CRYBG3: variants seen among roughly 807,000 people sequenced by gnomAD.
CRYBG3 encodes the protein very large A-kinase anchor protein.
In CRYBG3, 127 loss-of-function variants were observed where a neutral mutation model predicts 244.2. The observed-to-expected ratio is 0.52, with a 90% confidence interval of 0.45 to 0.60. CRYBG3 has a LOEUF of 0.60. CRYBG3 is among the 20% of genes least tolerant of loss of function. The pLI is 0.00. For synonymous variants in CRYBG3, 1,132 were observed against 1,195.8 expected (o/e 0.95, Z 1.10); for missense variants, 3,325 against 3,442.5 (o/e 0.97, Z 0.85).
At chr3:97,889,756 G>T (rs1207541244) in intron 10 of CRYBG3, among the ~76,000 whole-genome samples, 1 of 152,146 alleles carries the variant, frequency 6.6e-6, no homozygotes, top group Non-Finnish European at 1.5e-5. Context: ...TGATGCTCAG[G>T]AACATGATCA....
chr3:97,874,629 A>G lies in CRYBG3; in HGVS notation c.3435A>G (p.Gln1145=), dbSNP rs2039348616. The change falls in exon 4 of 22, where the codon CAA becomes CAG. Residue 1145 remains glutamine (Q), a synonymous_variant. Transcript: ENST00000389622. ...KISIDFPTAA[Q]FDNLVEAETG... ...CCATTGATTTCCCAACTGCTGCCCA[A>G]TTTGACAATCTCGTGGAAGCAGAGA... The G allele has an allele frequency of 2.0e-6, 3 of 1,536,054 alleles. No individual in the cohort carries two copies. Among genetic ancestry groups the G allele is most frequent in the Non-Finnish European group, 1.7e-6 (2 of 1,146,856 alleles).
chr3:97,874,470 C>T lies in CRYBG3; in HGVS notation c.3276C>T (p.Leu1092=), dbSNP rs2039346018. ...ATTCTATACAAGTTACCAAAGATCT[C>T]ACACATGAAGGTACCTCTGTAACTA... ...NLDSIQVTKD[L]THEGTSVTNL... The change falls in exon 4 of 22, where the codon CTC becomes CTT. Residue 1092 remains leucine (L), a synonymous_variant. Transcript: ENST00000389622. 6.5e-7 allele frequency: 1 copy of T among 1,534,234 alleles called. No homozygotes were observed. The highest frequency in any genetic ancestry group is 8.7e-7 in the Non-Finnish European group (1 of 1,146,220).
At chr3:97,905,158 G>C (rs1232931932) in intron 15 of CRYBG3, among the ~76,000 whole-genome samples, 1 of 152,002 alleles carries the variant, frequency 6.6e-6, no homozygotes, top group Non-Finnish European at 1.5e-5. Flanking sequence ...GGACATTTGG[G>C]TTGGTTCCAA....
At position 97,915,696 on chromosome 3, in the gene CRYBG3, G is replaced by A; in HGVS notation, c.8201G>A (p.Cys2734Tyr). The A allele has an allele frequency of 6.2e-7, 1 of 1,612,746 alleles. No homozygotes were observed. Among genetic ancestry groups the A allele is most frequent in the Non-Finnish European group, 8.5e-7 (1 of 1,179,006 alleles). ...GLYADLTSCG[C>Y]PASKVKSLKP... ...TATGCTGACCTTACTTCCTGCGGTT[G>A]CCCAGCATCTAAAGTCAAATCTCTC... The change falls in exon 17 of 22, where the codon TGC (cysteine) becomes TAC (tyrosine). Residue 2734 changes from cysteine (C) to tyrosine (Y), a missense_variant. Transcript: ENST00000389622.
chr3:97,942,652 G>A (rs2040257529), intron 21 of CRYBG3: 2 of 454,914 alleles, frequency 4.4e-6, no homozygotes, highest in Non-Finnish European at 3.9e-6. Context: ...TTGTTCATTA[G>A]TACAGTTGTA....
intron 17 of CRYBG3, among the ~76,000 whole-genome samples, chr3:97,932,194 C>T (rs1283372031): frequency 7.2e-5 from 11 of 151,914 alleles, no homozygotes; most frequent in Admixed American, 2.0e-4. Flanking sequence ...TGTGTACAAG[C>T]GCATACATAT....
In CRYBG3 at chr3:97,877,351, G is replaced by C; in HGVS notation, c.6157G>C (p.Glu2053Gln). 1 of 1,614,094 alleles carries C rather than the reference G, an allele frequency of 6.2e-7. No homozygotes were observed. Among genetic ancestry groups the C allele is most frequent in the East Asian group, 2.2e-5 (1 of 44,870 alleles). Residue 2053 changes from glutamate (E) to glutamine (Q), a missense_variant, in exon 4 of 22, where the codon GAA becomes CAA. Around this residue, in one of 4 missense-constraint regions of CRYBG3, gnomAD observed 450 missense variants for 424.1 expected, o/e 1.06. Transcript: ENST00000389622. ...TAGAACTGACCTTGTCCATCACTTT[G>C]AAAAAGGTACTAAATTAGGTGAGAC... Reference protein sequence around the residue: ...ESRTDLVHHFEKGTKLGETFD... With the variant: ...ESRTDLVHHFQKGTKLGETFD...
intron 1 of CRYBG3, among the ~76,000 whole-genome samples, chr3:97,841,580 A>G (rs2038819406): frequency 6.6e-6 from 1 of 152,122 alleles, no homozygotes; most frequent in Non-Finnish European, 1.5e-5. Context: ...TCTAAATGGC[A>G]TAAATCGTGT....
chr3:97,860,740 G>C (rs555622418), intron 2 of CRYBG3, among the ~76,000 whole-genome samples: 2 of 152,214 alleles, frequency 1.3e-5, no homozygotes, highest in South Asian at 4.1e-4. Context: ...ATTCTATAGA[G>C]ACTAACCTGG....
chr3:97,883,716 A>G (rs1318542044), intron 7 of CRYBG3, among the ~76,000 whole-genome samples: 1 of 152,202 alleles, frequency 6.6e-6, no homozygotes, highest in Non-Finnish European at 1.5e-5. Context: ...GGAAAATAAA[A>G]CTATTGAGCA....
intron 16 of CRYBG3, 92 bp downstream of exon 16, chr3:97,912,368 C>A: frequency 1.8e-6 from 1 of 559,816 alleles, no homozygotes. Flanking sequence ...ACAGTGAATC[C>A]TTAAAATTTA....
At chr3:97,937,910 T>C (rs2040182284) in intron 19 of CRYBG3, among the ~76,000 whole-genome samples, 1 of 152,214 alleles carries the variant, frequency 6.6e-6, no homozygotes, top group African/African-American at 2.4e-5. Flanking sequence ...GGGTAAAACA[T>C]GTCCAACTCA....
intron 1 of CRYBG3, among the ~76,000 whole-genome samples, chr3:97,829,794 T>C (rs993236865): frequency 3.3e-5 from 5 of 152,162 alleles, no homozygotes; most frequent in Admixed American, 1.3e-4. Context: ...TGCAGTTTTG[T>C]GGGGAAGGCA....
intron 17 of CRYBG3, among the ~76,000 whole-genome samples, chr3:97,926,065 T>C (rs888234779): frequency 1.6e-4 from 24 of 152,010 alleles, no homozygotes; most frequent in African/African-American, 4.1e-4. Context: ...TGACCACTCA[T>C]TCTATGAGGC....
intron 16 of CRYBG3, among the ~76,000 whole-genome samples, chr3:97,913,237 A>G (rs765249811): frequency 2.0e-4 from 31 of 152,236 alleles, no homozygotes; most frequent in Middle Eastern, 6.8e-3. Context: ...ATCAAGTTCA[A>G]GCTCTTTCTT....
intron 2 of CRYBG3, among the ~76,000 whole-genome samples, chr3:97,845,004 G>A (rs747823276): frequency 3.9e-5 from 6 of 152,132 alleles, no homozygotes; most frequent in Non-Finnish European, 8.8e-5. Context: ...TGTGCATTTT[G>A]GCTCATGTAA....
At chr3:97,828,379 A>C (rs2108151953) in intron 1 of CRYBG3, among the ~76,000 whole-genome samples, 1 of 152,282 alleles carries the variant, frequency 6.6e-6, no homozygotes, top group Non-Finnish European at 1.5e-5. Context: ...TTAATAGCAA[A>C]AGATGAAAAA....
chr3:97,925,480 T>C (rs958145038), intron 17 of CRYBG3, among the ~76,000 whole-genome samples: 2 of 152,016 alleles, frequency 1.3e-5, no homozygotes, highest in Non-Finnish European at 2.9e-5. Context: ...TAACCACACA[T>C]TCCTATAAGG....
intron 1 of CRYBG3, among the ~76,000 whole-genome samples, chr3:97,829,079 A>G (rs183456264): frequency 6.6e-6 from 1 of 152,274 alleles, no homozygotes; most frequent in Admixed American, 6.5e-5. Flanking sequence ...TAAAGTAAGA[A>G]AAAGATTGGA....
Sources: gnomAD v4.1 joint callset for allele counts (sites outside exome capture counted in the v4.1 genomes callset) on GRCh38, gnomAD v4.1.1 for gene constraint, gnomAD v4.1.1 regional missense constraint, MANE v1.5 for transcripts, NCBI Gene and HGNC (gene_info 2026-07-23, HGNC 2026-07-21) for gene names.